CD44: variants seen among roughly 807,000 people sequenced by gnomAD.
CD44 encodes the protein CD44 antigen.
CD44 carries 49 observed loss-of-function variants against 88.8 expected under a neutral mutation model. The observed-to-expected ratio is 0.55, with a 90% CI of 0.44 to 0.70. The LOEUF (loss-of-function observed/expected upper bound fraction) is 0.70, where lower values mean the gene tolerates loss of function less well. Ranked by LOEUF, CD44 falls within the 30% of genes least tolerant of loss-of-function variation. The pLI is 0.00. For synonymous variants in CD44, 325 were observed against 312.3 expected, an observed-to-expected ratio of 1.04 and a Z score of -0.43; for missense variants, 883 against 913.8, an observed-to-expected ratio of 0.97 and a Z score of 0.43.
intron 17 of CD44, among the ~76,000 whole-genome samples, chr11:35,226,563 C>A (rs1248061622): frequency 2.6e-5 from 4 of 152,204 alleles, no homozygotes; most frequent in Non-Finnish European, 5.9e-5. Context: ...ATAGATAGCA[C>A]TTGAAAGCTT....
chr11:35,184,651 C>T (rs947068989), intron 3 of CD44, among the ~76,000 whole-genome samples: 5 of 152,148 alleles, frequency 3.3e-5, no homozygotes, highest in African/African-American at 1.2e-4. Context: ...TTACAGTCCC[C>T]CATGACCTTG....
At chr11:35,181,934 A>ATG (rs1491126504) in intron 3 of CD44, among the ~76,000 whole-genome samples, 5 of 66,022 alleles carry the variant, frequency 7.6e-5, no homozygotes, top group African/African-American at 1.7e-4. Flanking sequence ...TATTATATAT[A>ATG]AATTATATAT....
chr11:35,201,030 G>A lies in CD44; in HGVS notation c.923-52G>A, dbSNP rs187512071. On this transcript the variant is annotated intron_variant, in intron 7 of 17. Transcript: ENST00000428726. ...CAAGACTATGTGCGGGACAAGTGGCGAAGGCTCAAGAAATAACATTTTTCT... is the reference window on the plus strand; with the variant it reads ...CAAGACTATGTGCGGGACAAGTGGCAAAGGCTCAAGAAATAACATTTTTCT... The A allele has an allele frequency of 1.2e-4, 159 of 1,310,686 alleles. 1 individual carries two copies. In the African/African-American group the frequency reaches 1.4e-3, roughly 11 times the overall value. The allele number at this position is 1,310,686 out of a possible 1,614,324, so 81.2% of individuals were successfully genotyped here.
At chr11:35,197,286 G>C (rs1946849521) in intron 6 of CD44, 1 of 157,406 alleles carries the variant, frequency 6.4e-6, no homozygotes, top group African/African-American at 2.4e-5. Flanking sequence ...CTATTCTTGG[G>C]GTAGACACTA....
chr11:35,175,260 T>C (rs946281141), intron 1 of CD44, among the ~76,000 whole-genome samples: 7 of 152,200 alleles, frequency 4.6e-5, no homozygotes, highest in African/African-American at 1.4e-4. Context: ...CCAGATTATG[T>C]TGGTTTTAGC....
rs193066989 is a variant in CD44, at chr11:35,175,073, G to C, written c.68-1502G>C. Among the ~76,000 whole-genome samples, 330 of 152,134 alleles carry C rather than the reference G, an allele frequency of 2.2e-3. 2 individuals are homozygous for C. Among genetic ancestry groups the C allele is most frequent in the African/African-American group, 7.5e-3 (313 of 41,510 alleles). On this transcript the variant is annotated intron_variant, in intron 1 of 17. Coordinates refer to ENST00000428726, the MANE Select transcript of CD44 (RefSeq NM_000610.4). ...GTGACGTGGAGTTAAAATTCTGAAT[G>C]ATAAAAAAAATGAACCACCTATGTG... is the stretch of plus-strand genomic sequence containing the variant.
chr11:35,214,900 G>C lies in CD44; in HGVS notation c.1859G>C (p.Gly620Ala). 1 of 1,557,548 alleles carries C rather than the reference G, an allele frequency of 6.4e-7. No individual in the cohort carries two copies. The highest frequency in any genetic ancestry group is 8.7e-7 in the Non-Finnish European group (1 of 1,152,372). Residue 620 changes from glycine (G) to alanine (A), a missense_variant, in exon 15 of 18, where the codon GGA becomes GCA. Gly to Ala is a moderately conservative substitution (Grantham distance 60). Transcript: ENST00000428726. ...HPSGGSHTTH[G>A]SESDGHSHGS... ...AGTGGGGGGTCCCATACCACTCATGGATCTGAATCAGATGGTGAGTTCAAA... is the reference window on the plus strand; with the variant it reads ...AGTGGGGGGTCCCATACCACTCATGCATCTGAATCAGATGGTGAGTTCAAA...
In CD44 at chr11:35,221,630, T is replaced by C. The variant is rs372290263; in HGVS notation, c.1946-24T>C. ...AAAGTGTGTCTCTGAAGCTCACGCATGTCATTTAATTTACTCATACCAGAA... is the reference window on the plus strand; with the variant it reads ...AAAGTGTGTCTCTGAAGCTCACGCACGTCATTTAATTTACTCATACCAGAA... On this transcript the variant is annotated intron_variant, in intron 16 of 17. Coordinates refer to ENST00000428726, the MANE Select transcript of CD44 (RefSeq NM_000610.4). 6 of 1,596,154 alleles carry C rather than the reference T, an allele frequency of 3.8e-6. No homozygotes were observed. In the Admixed American group the frequency reaches 1.0e-4, roughly 27 times the overall value.
chr11:35,177,424 A>T (rs1201054175), intron 2 of CD44, among the ~76,000 whole-genome samples: 1 of 152,196 alleles, frequency 6.6e-6, no homozygotes. Flanking sequence ...GGTGCACAAG[A>T]AGAGCAAGCC....
intron 1 of CD44, among the ~76,000 whole-genome samples, chr11:35,168,650 T>C (rs958033789): frequency 3.3e-5 from 5 of 152,234 alleles, no homozygotes; most frequent in African/African-American, 7.2e-5. Context: ...TCATCCCTCC[T>C]GAGGAGATGA....
At chr11:35,153,331 GT>G (rs1158940392) in intron 1 of CD44, among the ~76,000 whole-genome samples, 1 of 152,176 alleles carries the variant, frequency 6.6e-6, no homozygotes, top group Non-Finnish European at 1.5e-5. Flanking sequence ...TGGCGTAGGT[GT>G]TTACACTGCA....
At chr11:35,149,340 A>G (rs886935129) in intron 1 of CD44, among the ~76,000 whole-genome samples, 2 of 152,234 alleles carry the variant, frequency 1.3e-5, no homozygotes, top group African/African-American at 4.8e-5. Flanking sequence ...TCTGGCTTTG[A>G]TAAGAGTCAT....
rs186618402 is a variant in CD44 at position 35,196,058 on chromosome 11, C to T, written c.668-688C>T. On this transcript the variant is annotated intron_variant, in intron 5 of 17. Transcript: ENST00000428726. ...AATTCTTGGAGAATGATATTGGTTG[C>T]CCAAGATTGTATAGAAGATTAAGGA... is the stretch of plus-strand genomic sequence containing the variant. 1.5e-4 allele frequency among the ~76,000 whole-genome samples: 23 copies of T among 152,052 alleles called. No homozygotes were observed. In the East Asian group the frequency reaches 4.4e-3, roughly 29 times the overall value.
At chr11:35,203,070 G>A (rs530286840) in intron 9 of CD44, among the ~76,000 whole-genome samples, 61 of 152,262 alleles carry the variant, frequency 4.0e-4, no homozygotes, top group African/African-American at 1.4e-3. Context: ...ACAAAGAGAA[G>A]ACAGCAACAA....
chr11:35,210,689 T>C (rs1948310071), intron 13 of CD44: 1 of 154,526 alleles, frequency 6.5e-6, no homozygotes, highest in Non-Finnish European at 1.4e-5. Context: ...TGTCTGATTA[T>C]ATCACTTTAC....
At chr11:35,205,286 C>T (rs75112723) in intron 10 of CD44, among the ~76,000 whole-genome samples, 187 of 152,272 alleles carry the variant, frequency 1.2e-3, no homozygotes, top group Non-Finnish European at 2.1e-3. Flanking sequence ...GTCTGTGTGA[C>T]ATAAGTATTA....
chr11:35,201,578 A>G, intron 8 of CD44, 93 bp from the exon 9 acceptor site: 1 of 1,499,412 alleles, frequency 6.7e-7, no homozygotes, highest in South Asian at 1.2e-5. Flanking sequence ...TTTGGCATAG[A>G]ATTGTTAAAT....
chr11:35,176,915 G>A, intron 2 of CD44, 175 bp downstream of exon 2: 3 of 599,342 alleles, frequency 5.0e-6, no homozygotes, highest in Non-Finnish European at 5.7e-6. Context: ...GGAGTTTAAA[G>A]TCAGCTAAAG....
chr11:35,206,379 G>T (rs1369573643), intron 11 of CD44, 136 bp downstream of exon 11: 3 of 830,476 alleles, frequency 3.6e-6, no homozygotes, highest in Non-Finnish European at 5.4e-6. Flanking sequence ...TCAAAAATTA[G>T]TTTTCTTGGT....
Sources: gnomAD v4.1 joint callset for allele counts (sites outside exome capture counted in the v4.1 genomes callset) on GRCh38, gnomAD v4.1.1 for gene constraint, MANE v1.5 for transcripts, NCBI Gene and HGNC (gene_info 2026-07-23, HGNC 2026-07-21) for gene names.